Variants in HDAC9 observed in about 807,000 individuals in gnomAD.
HDAC9 encodes the protein MEF-2 interacting transcription repressor (MITR) protein.
HDAC9 carries 41 observed loss-of-function variants against 139.4 expected under a neutral mutation model. That is an observed-to-expected ratio of 0.29 (90% CI 0.23 to 0.38). The LOEUF (loss-of-function observed/expected upper bound fraction) is 0.38, where lower values mean the gene tolerates loss of function less well. Among genes scored for constraint, HDAC9 ranks in the 10% least tolerant of loss-of-function variants. The pLI is 1.00. For missense variants in HDAC9, 1,147 were observed against 1,297.0 expected (o/e 0.88, Z 1.78); for synonymous variants, 517 against 476.2 (o/e 1.09, Z -1.12).
chr7:18,398,410 C>G (rs1301853027), intron 1 of HDAC9, among the ~76,000 whole-genome samples: 1 of 152,120 alleles, frequency 6.6e-6, no homozygotes. Context: ...TCTTGGGAAA[C>G]CCTTTTACTT....
At chr7:18,098,346 G>C (rs1782642099) in intron 1 of HDAC9, among the ~76,000 whole-genome samples, 1 of 152,176 alleles carries the variant, frequency 6.6e-6, no homozygotes, top group Non-Finnish European at 1.5e-5. Flanking sequence ...ATTGAATCTA[G>C]TAGTATGTAA....
chr7:18,978,777 T>G (rs1784712791), intron 25 of HDAC9, among the ~76,000 whole-genome samples: 1 of 152,210 alleles, frequency 6.6e-6, no homozygotes, highest in South Asian at 2.1e-4. Context: ...GCTTCTACTT[T>G]GGAAAGGTCA....
intron 1 of HDAC9, among the ~76,000 whole-genome samples, chr7:18,483,018 A>G (rs1795700045): frequency 6.6e-6 from 1 of 152,200 alleles, no homozygotes; most frequent in Non-Finnish European, 1.5e-5. Context: ...CCACTGCTAT[A>G]TTAAGAATTA....
intron 24 of HDAC9, among the ~76,000 whole-genome samples, chr7:18,973,177 G>T (rs555116828): frequency 1.6e-4 from 25 of 152,248 alleles, no homozygotes; most frequent in African/African-American, 6.0e-4. Flanking sequence ...AATTATAAAT[G>T]TAGAAACACC....
chr7:18,935,166 G>A (rs1443408749), intron 22 of HDAC9, among the ~76,000 whole-genome samples: 2 of 152,090 alleles, frequency 1.3e-5, no homozygotes, highest in African/African-American at 4.8e-5. Context: ...AGGCACATGG[G>A]GGTTGAAAAA....
intron 2 of HDAC9, among the ~76,000 whole-genome samples, chr7:18,166,450 A>G (rs1371450630): frequency 6.6e-6 from 1 of 152,238 alleles, no homozygotes; most frequent in Non-Finnish European, 1.5e-5. Context: ...AAAATTAATT[A>G]AGAGATTTAT....
chr7:18,475,926 G>A (rs903767778), intron 1 of HDAC9, among the ~76,000 whole-genome samples: 1 of 152,170 alleles, frequency 6.6e-6, no homozygotes, highest in South Asian at 2.1e-4. Context: ...GCATAGTTAG[G>A]TATGTTCTGT....
chr7:18,234,393 G>T (rs1793677690), intron 2 of HDAC9, among the ~76,000 whole-genome samples: 1 of 152,148 alleles, frequency 6.6e-6, no homozygotes, highest in African/African-American at 2.4e-5. Context: ...GGCTAGAGTG[G>T]CCAAACTAAT....
At chr7:18,089,234 C>T (rs1426556194) in intron 1 of HDAC9, among the ~76,000 whole-genome samples, 2 of 151,904 alleles carry the variant, frequency 1.3e-5, no homozygotes, top group Non-Finnish European at 2.9e-5. Context: ...CTTGATCTTC[C>T]TGTTTCTTTC....
intron 2 of HDAC9, among the ~76,000 whole-genome samples, chr7:18,203,713 G>A (rs1402746279): frequency 1.3e-5 from 2 of 152,146 alleles, no homozygotes; most frequent in Non-Finnish European, 1.5e-5. Context: ...CTAAAAAAAT[G>A]TGTTTAACAA....
At chr7:18,392,313 TCTCACACACACACA>T (rs1204812677) in intron 1 of HDAC9, among the ~76,000 whole-genome samples, 85 of 111,242 alleles carry the variant, frequency 7.6e-4, no homozygotes, top group African/African-American at 2.4e-3. Flanking sequence ...TCTCTCTCTC[TCTCACACACACACA>T]CACACACACA....
rs560395630 is a variant in HDAC9, at chr7:18,431,977, C to A, written c.-41-64285C>A. On this transcript the variant is annotated intron_variant, in intron 1 of 3. Coordinates refer to the HDAC9 transcript ENST00000413509. ...TTTACCTCTTCAAACGCATCTTCTG[C>A]ACCTTCCTCCTCACATCCTTCTGGG... is the stretch of plus-strand genomic sequence containing the variant. 2.0e-5 allele frequency among the ~76,000 whole-genome samples: 3 copies of A among 152,220 alleles called. No individual in the cohort carries two copies. The South Asian group carries it at 6.2e-4, about 31-fold the overall frequency.
At chr7:18,951,499 C>G (rs1160981633) in intron 23 of HDAC9, among the ~76,000 whole-genome samples, 1 of 151,864 alleles carries the variant, frequency 6.6e-6, no homozygotes, top group Non-Finnish European at 1.5e-5. Context: ...AACAGAATTG[C>G]TTGACAGAAA....
At chr7:18,422,981 T>C (rs1789785860) in intron 1 of HDAC9, among the ~76,000 whole-genome samples, 1 of 152,192 alleles carries the variant, frequency 6.6e-6, no homozygotes, top group Non-Finnish European at 1.5e-5. Flanking sequence ...AGGGTTCTCT[T>C]TGGCTACACA....
intron 6 of HDAC9, among the ~76,000 whole-genome samples, chr7:18,616,336 T>C (rs574415361): frequency 6.6e-6 from 1 of 152,334 alleles, no homozygotes; most frequent in Non-Finnish European, 1.5e-5. Flanking sequence ...TTCTGCAGTG[T>C]ACTTTGACTT....
At chr7:18,633,612 C>G (rs1782976045) in intron 7 of HDAC9, among the ~76,000 whole-genome samples, 1 of 151,990 alleles carries the variant, frequency 6.6e-6, no homozygotes, top group Non-Finnish European at 1.5e-5. Context: ...TGGTGGAAAT[C>G]ATATCAAAAA....
At chr7:18,916,675 G>A (rs1585303855) in intron 22 of HDAC9, among the ~76,000 whole-genome samples, 1 of 151,954 alleles carries the variant, frequency 6.6e-6, no homozygotes. Context: ...GGATTTAAGT[G>A]CAGCATTCTA....
intron 1 of HDAC9, among the ~76,000 whole-genome samples, chr7:18,350,308 C>T (rs1407369711): frequency 6.6e-6 from 1 of 152,016 alleles, no homozygotes; most frequent in Non-Finnish European, 1.5e-5. Context: ...TAATTGGATT[C>T]CATGAAAAAA....
intron 1 of HDAC9, among the ~76,000 whole-genome samples, chr7:18,411,238 G>A (rs1044900248): frequency 6.6e-6 from 1 of 152,160 alleles, no homozygotes; most frequent in African/African-American, 2.4e-5. Context: ...CCCGATGTTT[G>A]ATGGTTTGAC....
Sources: allele counts gnomAD v4.1 joint callset (sites outside exome capture counted in the v4.1 genomes callset), GRCh38; gene constraint gnomAD v4.1.1; transcripts MANE v1.5; gene names NCBI Gene and HGNC (gene_info 2026-07-23, HGNC 2026-07-21).